EXOC6B: variants seen among roughly 807,000 people sequenced by gnomAD.
The protein encoded by EXOC6B is SEC15 homolog B.
A neutral mutation model predicts 113.5 loss-of-function variants in EXOC6B; 54 were observed. The ratio of observed to expected loss-of-function variants is 0.48; its 90% confidence interval spans 0.38 to 0.60. The LOEUF (loss-of-function observed/expected upper bound fraction) is 0.60. EXOC6B is among the 20% of genes least tolerant of loss of function. The probability of loss-of-function intolerance (pLI) is 0.00; values close to 1 mark genes in which losing one functional copy is unlikely to be tolerated. For synonymous variants in EXOC6B, 357 were observed against 339.0 expected (o/e 1.05, Z -0.58); for missense variants, 797 against 977.5 (o/e 0.82, Z 2.46).
chr2:72,625,959 G>A (rs747535681), intron 6 of EXOC6B, among the ~76,000 whole-genome samples: 75 of 151,974 alleles, frequency 4.9e-4, no homozygotes, highest in Admixed American at 9.2e-4. Flanking sequence ...GCTATCCTTC[G>A]AAGTTCCTAC....
intron 20 of EXOC6B, among the ~76,000 whole-genome samples, chr2:72,318,075 A>G (rs1687629846): frequency 6.6e-6 from 1 of 152,194 alleles, no homozygotes; most frequent in Admixed American, 6.5e-5. Context: ...TTTCTGTAGT[A>G]CCACTGGAGA....
At chr2:72,182,194 AG>A (rs1384453154) in intron 21 of EXOC6B, among the ~76,000 whole-genome samples, 2 of 152,154 alleles carry the variant, frequency 1.3e-5, no homozygotes, top group African/African-American at 4.8e-5. Flanking sequence ...CTAAGCACAT[AG>A]TTTCTTTACT....
At chr2:72,524,127 T>C (rs1214783655) in intron 8 of EXOC6B, among the ~76,000 whole-genome samples, 2 of 136,758 alleles carry the variant, frequency 1.5e-5, no homozygotes, top group African/African-American at 2.8e-5. Flanking sequence ...GGCATCCAAG[T>C]GAAGACAGGT....
In EXOC6B at chr2:72,232,044, G is replaced by A. The variant is rs141449216; in HGVS notation, c.2197-47857C>T. 1.9e-3 allele frequency among the ~76,000 whole-genome samples: 284 copies of A among 152,106 alleles called. 5 individuals are homozygous for A. Among genetic ancestry groups the A allele is most frequent in the African/African-American group, 6.5e-3 (270 of 41,504 alleles). Reference sequence around the variant, plus strand: ...GGTTGGAGTGCAGTGGCACAGTCTTGGCTCACTGCAACCTCCGCCTACAGG... The same window carrying A: ...GGTTGGAGTGCAGTGGCACAGTCTTAGCTCACTGCAACCTCCGCCTACAGG... On this transcript the variant is annotated intron_variant, in intron 20 of 21. Coordinates refer to ENST00000272427, the MANE Select transcript of EXOC6B (RefSeq NM_015189.3).
chr2:72,664,871 C>CA (rs1037734317), intron 6 of EXOC6B, among the ~76,000 whole-genome samples: 2 of 152,226 alleles, frequency 1.3e-5, no homozygotes, highest in African/African-American at 4.8e-5. Flanking sequence ...ACTTTGGATC[C>CA]ACTGATACAG....
intron 7 of EXOC6B, among the ~76,000 whole-genome samples, chr2:72,561,473 T>G (rs561033811): frequency 9.1e-4 from 138 of 152,298 alleles, no homozygotes; most frequent in Non-Finnish European, 1.2e-3. Flanking sequence ...TTCTTCTTCA[T>G]GTAGCTTATT....
chr2:72,707,268 T>C (rs1483464543), intron 6 of EXOC6B, among the ~76,000 whole-genome samples: 1 of 152,198 alleles, frequency 6.6e-6, no homozygotes, highest in African/African-American at 2.4e-5. Context: ...AAATGCACCT[T>C]ATTATTAAAC....
At chr2:72,550,929 T>C (rs539166600) in intron 8 of EXOC6B, among the ~76,000 whole-genome samples, 1 of 150,568 alleles carries the variant, frequency 6.6e-6, no homozygotes, top group South Asian at 2.1e-4. Flanking sequence ...ATTTTTTTTT[T>C]TTTTTTTGAG....
At chr2:72,473,430 G>T (rs1698532961) in intron 17 of EXOC6B, among the ~76,000 whole-genome samples, 1 of 151,956 alleles carries the variant, frequency 6.6e-6, no homozygotes, top group Non-Finnish European at 1.5e-5. Context: ...ATTATATAAT[G>T]ACCTTATTTG....
chr2:72,410,019 T>G (rs987349143), intron 18 of EXOC6B, among the ~76,000 whole-genome samples: 1 of 152,186 alleles, frequency 6.6e-6, no homozygotes, highest in Non-Finnish European at 1.5e-5. Context: ...AAGTAAAAAT[T>G]GCACACAGCT....
chr2:72,285,703 C>T (rs1345143655), intron 20 of EXOC6B, among the ~76,000 whole-genome samples: 1 of 151,816 alleles, frequency 6.6e-6, no homozygotes, highest in African/African-American at 2.4e-5. Context: ...CAAAGATAAG[C>T]CACAGACTGG....
intron 18 of EXOC6B, among the ~76,000 whole-genome samples, chr2:72,399,516 C>G (rs1321876643): frequency 6.6e-6 from 1 of 152,158 alleles, no homozygotes; most frequent in Non-Finnish European, 1.5e-5. Context: ...AACTATCTCT[C>G]CTTGCTGATG....
At chr2:72,661,506 A>G (rs1352687860) in intron 6 of EXOC6B, among the ~76,000 whole-genome samples, 2 of 152,124 alleles carry the variant, frequency 1.3e-5, no homozygotes, top group Non-Finnish European at 2.9e-5. Context: ...AAAAAATTCT[A>G]AAATCATTTA....
chr2:72,323,592 C>T (rs1166705241), intron 20 of EXOC6B, among the ~76,000 whole-genome samples: 1 of 152,036 alleles, frequency 6.6e-6, no homozygotes, highest in Non-Finnish European at 1.5e-5. Flanking sequence ...ACTCAAATGT[C>T]CATCAATGAT....
chr2:72,424,918 C>T (rs977432956), intron 18 of EXOC6B, among the ~76,000 whole-genome samples: 9 of 151,988 alleles, frequency 5.9e-5, no homozygotes, highest in African/African-American at 2.2e-4. Flanking sequence ...GTTTCTTGTA[C>T]AGATTATTTC....
chr2:72,587,186 GAT>G (rs1705644807), intron 6 of EXOC6B, among the ~76,000 whole-genome samples: 1 of 151,544 alleles, frequency 6.6e-6, no homozygotes, highest in Non-Finnish European at 1.5e-5. Context: ...TGGTGGACTG[GAT>G]AAAAAAAAAA....
chr2:72,793,299 G>A (rs925885991), intron 1 of EXOC6B, among the ~76,000 whole-genome samples: 2 of 152,096 alleles, frequency 1.3e-5, no homozygotes, highest in African/African-American at 2.4e-5. Flanking sequence ...TGTGTTTCAC[G>A]AATCTAACTC....
intron 2 of EXOC6B, among the ~76,000 whole-genome samples, chr2:72,740,537 T>C (rs966265492): frequency 5.9e-5 from 9 of 152,198 alleles, no homozygotes; most frequent in African/African-American, 2.2e-4. Context: ...GCCTCCTTCC[T>C]GGACCTTAAT....
chr2:72,678,789 A>C (rs935875510), intron 6 of EXOC6B, among the ~76,000 whole-genome samples: 19 of 152,202 alleles, frequency 1.2e-4, no homozygotes, highest in African/African-American at 4.1e-4. Context: ...ACATAGATAC[A>C]CTAACATGTA....
Sources: gnomAD v4.1 joint callset for allele counts (sites outside exome capture counted in the v4.1 genomes callset) on GRCh38, gnomAD v4.1.1 for gene constraint, MANE v1.5 for transcripts, NCBI Gene and HGNC (gene_info 2026-07-23, HGNC 2026-07-21) for gene names.